SPAG16: variants seen among roughly 807,000 people sequenced by gnomAD.
SPAG16 encodes the protein sperm-associated antigen 16 protein.
A neutral mutation model predicts 80.4 loss-of-function variants in SPAG16; 86 were observed. That is an observed-to-expected ratio of 1.07 (90% confidence interval 0.90 to 1.28). The LOEUF is 1.28. Among genes scored for constraint, SPAG16 ranks in the 50% most tolerant of loss-of-function variants. The pLI is 0.00. For synonymous variants in SPAG16, 294 were observed against 265.9 expected (o/e 1.11, Z -1.03); for missense variants, 870 against 765.3 (o/e 1.14, Z -1.61).
intron 10 of SPAG16, among the ~76,000 whole-genome samples, chr2:213,794,555 G>A (rs982717588): frequency 3.3e-5 from 5 of 151,728 alleles, no homozygotes; most frequent in South Asian, 2.1e-4. Flanking sequence ...TTTTCTTCCC[G>A]AAATACTTAT....
chr2:213,869,278 T>TAC (rs2075848756), intron 11 of SPAG16, among the ~76,000 whole-genome samples: 7 of 92,448 alleles, frequency 7.6e-5, no homozygotes, highest in East Asian at 3.4e-4. Context: ...TATATATATA[T>TAC]ATGTATATAT....
chr2:213,682,340 T>A (rs1296167466), intron 10 of SPAG16, among the ~76,000 whole-genome samples: 4 of 152,222 alleles, frequency 2.6e-5, no homozygotes, highest in African/African-American at 9.6e-5. Context: ...TAAGTCAGGT[T>A]CTTTTTACCC....
At chr2:213,596,987 G>A (rs2060905675) in intron 10 of SPAG16, among the ~76,000 whole-genome samples, 1 of 152,046 alleles carries the variant, frequency 6.6e-6, no homozygotes, top group African/African-American at 2.4e-5. Flanking sequence ...GGAGACTTAT[G>A]AAATAAAATG....
At chr2:213,369,702 A>C (rs1375976389) in intron 8 of SPAG16, among the ~76,000 whole-genome samples, 1 of 152,162 alleles carries the variant, frequency 6.6e-6, no homozygotes, top group Non-Finnish European at 1.5e-5. Flanking sequence ...TGTGAGCTGA[A>C]TTCATTTTTT....
chr2:213,890,549 A>T (rs1265410718), intron 11 of SPAG16, among the ~76,000 whole-genome samples: 1 of 151,666 alleles, frequency 6.6e-6, no homozygotes, highest in Non-Finnish European at 1.5e-5. Context: ...TTTATGAAAA[A>T]TTCAGCATTT....
chr2:213,957,782 A>G lies in SPAG16; in HGVS notation c.1400+27637A>G, dbSNP rs184762552. Among the ~76,000 whole-genome samples the G allele has an allele frequency of 7.4e-4, 113 of 152,232 alleles. 2 individuals are homozygous for G. Among genetic ancestry groups the G allele is most frequent in the East Asian group, 1.9e-4 (1 of 5,176 alleles). ...GCTATTTTCTTTGTGGTTACCATAG[A>G]GATTACATTTAACATCCTAAAGTTA... On this transcript the variant is annotated intron_variant, in intron 12 of 15. Coordinates refer to ENST00000331683, the MANE Select transcript of SPAG16 (RefSeq NM_024532.5).
rs566974830 is a variant in SPAG16, at chr2:213,917,858, C to T, written c.1215-12102C>T. ...GGCATACTTGACTGGTGCTGGTTTT[C>T]AAAGGGAAGACTTCCAGCTTTTGCC... On this transcript the variant is annotated intron_variant, in intron 11 of 15. Coordinates refer to ENST00000331683, the MANE Select transcript of SPAG16 (RefSeq NM_024532.5). Among the ~76,000 whole-genome samples the T allele has an allele frequency of 3.3e-5, 5 of 152,194 alleles. No homozygotes were observed. In the South Asian group the frequency reaches 1.0e-3, roughly 32 times the overall value.
chr2:213,693,106 A>T (rs1353976861), intron 10 of SPAG16, among the ~76,000 whole-genome samples: 2 of 152,142 alleles, frequency 1.3e-5, no homozygotes, highest in Non-Finnish European at 2.9e-5. Context: ...TGCCAAGCAC[A>T]CTCTGTAAGC....
intron 10 of SPAG16, among the ~76,000 whole-genome samples, chr2:213,647,231 A>G (rs775186353): frequency 6.6e-6 from 1 of 152,202 alleles, no homozygotes; most frequent in African/African-American, 2.4e-5. Context: ...GGATGACTGC[A>G]TAAATAAAAA....
intron 10 of SPAG16, among the ~76,000 whole-genome samples, chr2:213,828,750 C>T (rs890579038): frequency 1.3e-5 from 2 of 152,194 alleles, no homozygotes; most frequent in African/African-American, 4.8e-5. Flanking sequence ...TTAGGGAGTA[C>T]CCAAAGCCCC....
chr2:213,928,875 T>C (rs1284512468), intron 11 of SPAG16, among the ~76,000 whole-genome samples: 1 of 146,882 alleles, frequency 6.8e-6, no homozygotes, highest in Non-Finnish European at 1.5e-5. Context: ...TAGAAGATGA[T>C]GGAAGTAAAA....
At chr2:213,526,805 A>C (rs1339064163) in intron 10 of SPAG16, among the ~76,000 whole-genome samples, 1 of 152,156 alleles carries the variant, frequency 6.6e-6, no homozygotes, top group Non-Finnish European at 1.5e-5. Context: ...TTTTTCCTTC[A>C]GAATGTTGAA....
intron 10 of SPAG16, among the ~76,000 whole-genome samples, chr2:213,811,036 C>A: frequency 6.6e-6 from 1 of 152,084 alleles, no homozygotes; most frequent in African/African-American, 2.4e-5. Context: ...AAGGGAGGGT[C>A]TCCTGGAAAA....
At chr2:213,340,341 A>G (rs1001262197) in intron 6 of SPAG16, 71 bp downstream of exon 6, 68 of 1,101,538 alleles carry the variant, frequency 6.2e-5, no homozygotes, top group Middle Eastern at 2.5e-4. Flanking sequence ...GATTATGACA[A>G]AGTTTTAGAC....
intron 9 of SPAG16, among the ~76,000 whole-genome samples, chr2:213,462,120 T>C (rs1575649801): frequency 6.6e-6 from 1 of 152,180 alleles, no homozygotes; most frequent in South Asian, 2.1e-4. Context: ...AGGCAAGGCA[T>C]TGTGTAGTAC....
At chr2:213,926,708 C>CA (rs2078497930) in intron 11 of SPAG16, among the ~76,000 whole-genome samples, 1 of 151,742 alleles carries the variant, frequency 6.6e-6, no homozygotes, top group Admixed American at 6.6e-5. Flanking sequence ...ATATACTTTA[C>CA]TTATAGTTAT....
intron 5 of SPAG16, among the ~76,000 whole-genome samples, chr2:213,334,083 A>G (rs2064231863): frequency 6.6e-6 from 1 of 152,190 alleles, no homozygotes; most frequent in Non-Finnish European, 1.5e-5. Context: ...GATAAGATTA[A>G]TAACCAGAAT....
At chr2:213,809,143 A>G (rs1459247052) in intron 10 of SPAG16, among the ~76,000 whole-genome samples, 2 of 152,196 alleles carry the variant, frequency 1.3e-5, no homozygotes, top group Non-Finnish European at 2.9e-5. Flanking sequence ...CAGAGCAAGC[A>G]TGAGAAGTGG....
At chr2:213,484,479 G>T (rs565147787) in intron 9 of SPAG16, among the ~76,000 whole-genome samples, 1 of 152,246 alleles carries the variant, frequency 6.6e-6, no homozygotes, top group East Asian at 1.9e-4. Context: ...TTGTCAGCGG[G>T]TAATGGGCCA....
Sources: gnomAD v4.1 joint callset for allele counts (sites outside exome capture counted in the v4.1 genomes callset) on GRCh38, gnomAD v4.1.1 for gene constraint, MANE v1.5 for transcripts, NCBI Gene and HGNC (gene_info 2026-07-23, HGNC 2026-07-21) for gene names.